RNLS: variants seen among roughly 807,000 people sequenced by gnomAD.
The protein encoded by RNLS is renalase, FAD dependent amine oxidase.
RNLS carries 39 observed loss-of-function variants against 39.8 expected under a neutral mutation model. The observed-to-expected ratio is 0.98, with a 90% CI of 0.76 to 1.28. The LOEUF is 1.28. RNLS is among the 50% of genes most tolerant of loss of function. The pLI is 0.00. For synonymous variants in RNLS, 147 were observed against 150.7 expected (o/e 0.98, Z 0.18); for missense variants, 410 against 413.3 (o/e 0.99, Z 0.07).
chr10:88,457,566 G>A (rs145524762), intron 4 of RNLS, among the ~76,000 whole-genome samples: 108 of 152,316 alleles, frequency 7.1e-4, no homozygotes, highest in Non-Finnish European at 9.8e-4. Flanking sequence ...TGAAACCAAT[G>A]CAATGCACTG....
intron 4 of RNLS, among the ~76,000 whole-genome samples, chr10:88,495,494 A>G (rs1234818728): frequency 6.6e-6 from 1 of 152,186 alleles, no homozygotes; most frequent in Non-Finnish European, 1.5e-5. Flanking sequence ...AAAAAAGTGT[A>G]TATAATACAT....
At chr10:88,528,766 T>C (rs1346651893) in intron 4 of RNLS, among the ~76,000 whole-genome samples, 1 of 151,566 alleles carries the variant, frequency 6.6e-6, no homozygotes, top group Non-Finnish European at 1.5e-5. Flanking sequence ...GTCAGGAGAA[T>C]TGCTTGAACC....
At chr10:88,451,324 A>G (rs1589816610) in intron 4 of RNLS, among the ~76,000 whole-genome samples, 1 of 152,336 alleles carries the variant, frequency 6.6e-6, no homozygotes, top group East Asian at 1.9e-4. Context: ...AGTTGGGGAT[A>G]GAAGTGACTG....
At chr10:88,304,567 T>C (rs1461227597) in intron 6 of RNLS, among the ~76,000 whole-genome samples, 1 of 152,146 alleles carries the variant, frequency 6.6e-6, no homozygotes, top group Non-Finnish European at 1.5e-5. Flanking sequence ...AGCAGCAGAA[T>C]AGACCAAGTG....
chr10:88,572,017 A>G (rs553800130), intron 4 of RNLS, among the ~76,000 whole-genome samples: 2 of 152,276 alleles, frequency 1.3e-5, no homozygotes, highest in East Asian at 3.9e-4. Context: ...TGGATTTATC[A>G]CAAGTTTCTG....
At chr10:88,316,310 G>A (rs912728359) in intron 5 of RNLS, among the ~76,000 whole-genome samples, 11 of 152,184 alleles carry the variant, frequency 7.2e-5, no homozygotes, top group Admixed American at 2.6e-4. Context: ...ACAGAGGGAA[G>A]GACTCAGGAG....
At chr10:88,503,599 T>C (rs1365179751) in intron 4 of RNLS, among the ~76,000 whole-genome samples, 1 of 152,142 alleles carries the variant, frequency 6.6e-6, no homozygotes, top group Non-Finnish European at 1.5e-5. Flanking sequence ...AAGTACAAGA[T>C]GGTTGTTAGG....
the RNLS span, among the ~76,000 whole-genome samples, chr10:88,229,384 A>G: frequency 6.6e-6 from 1 of 152,218 alleles, no homozygotes; most frequent in African/African-American, 2.4e-5. Context: ...TTTAGAGGCT[A>G]TATTCAGCCT....
the RNLS span, among the ~76,000 whole-genome samples, chr10:88,256,212 C>T: frequency 6.6e-6 from 1 of 152,184 alleles, no homozygotes; most frequent in Non-Finnish European, 1.5e-5. Flanking sequence ...TTTCCCTTTA[C>T]ATAACATTCA....
At chr10:88,556,075 C>A (rs577218910) in intron 4 of RNLS, among the ~76,000 whole-genome samples, 1 of 152,286 alleles carries the variant, frequency 6.6e-6, no homozygotes, top group African/African-American at 2.4e-5. Flanking sequence ...CCAAATTTCT[C>A]TTCTTGATTC....
the RNLS span, among the ~76,000 whole-genome samples, chr10:88,240,470 C>T: frequency 6.6e-6 from 1 of 151,338 alleles, no homozygotes; most frequent in Admixed American, 6.6e-5. Flanking sequence ...TCATTTCCTT[C>T]TCATACAAGA....
At chr10:88,205,813 T>C in the RNLS span, among the ~76,000 whole-genome samples, 1 of 152,132 alleles carries the variant, frequency 6.6e-6, no homozygotes, top group Non-Finnish European at 1.5e-5. Context: ...ATATCATGTA[T>C]ACCCTGGAAG....
At chr10:88,469,709 T>C (rs2133971577) in intron 4 of RNLS, among the ~76,000 whole-genome samples, 1 of 152,222 alleles carries the variant, frequency 6.6e-6, no homozygotes, top group South Asian at 2.1e-4. Flanking sequence ...TTTTCTTTTT[T>C]GAGAAAACCT....
chr10:88,528,852 CA>C (rs35644317), intron 4 of RNLS, among the ~76,000 whole-genome samples: 29,562 of 91,078 alleles, frequency 0.32, 3,386 homozygotes, highest in East Asian at 0.51. Flanking sequence ...GACTCCGTCT[CA>C]AAAAAAAAAA....
chr10:88,541,546 A>C (rs1223707590), intron 4 of RNLS, among the ~76,000 whole-genome samples: 1 of 152,198 alleles, frequency 6.6e-6, no homozygotes, highest in African/African-American at 2.4e-5. Context: ...AATAAGAAGC[A>C]CATGAACCTC....
At chr10:88,271,670 G>A (rs926410678), downstream of RNLS, among the ~76,000 whole-genome samples, 4 of 152,112 alleles carry the variant, frequency 2.6e-5, no homozygotes, top group African/African-American at 9.7e-5. Flanking sequence ...TGTTCACCCC[G>A]TCCGGTTTCA....
At chr10:88,464,272 C>T (rs369198262) in intron 4 of RNLS, among the ~76,000 whole-genome samples, 8 of 152,032 alleles carry the variant, frequency 5.3e-5, no homozygotes, top group South Asian at 2.1e-4. Flanking sequence ...GAAGTGATGA[C>T]GAGAAAAATA....
intron 6 of RNLS, among the ~76,000 whole-genome samples, chr10:88,292,173 G>A (rs983766357): frequency 6.6e-6 from 1 of 151,360 alleles, no homozygotes; most frequent in African/African-American, 2.4e-5. Context: ...TTTCTCCTTT[G>A]AGATATGGGT....
At chr10:88,331,509 C>G (rs1847106018) in intron 5 of RNLS, among the ~76,000 whole-genome samples, 1 of 152,160 alleles carries the variant, frequency 6.6e-6, no homozygotes, top group Non-Finnish European at 1.5e-5. Context: ...TTACATCTTA[C>G]TGGGGGAAAT....
Sources: gnomAD v4.1 joint callset for allele counts (sites outside exome capture counted in the v4.1 genomes callset) on GRCh38, gnomAD v4.1.1 for gene constraint, MANE v1.5 for transcripts, NCBI Gene and HGNC (gene_info 2026-07-23, HGNC 2026-07-21) for gene names.